The following GSTM5 variants were observed in gnomAD, a reference collection of about 807,000 sequenced individuals.
The protein encoded by GSTM5 is glutathione S-transferase mu 5.
A neutral mutation model predicts 29.0 loss-of-function variants in GSTM5; 24 were observed. The ratio of observed to expected loss-of-function variants is 0.83; its 90% CI spans 0.60 to 1.16. GSTM5 has a LOEUF of 1.16. GSTM5 is among the 50% of genes most tolerant of loss of function. The pLI, the probability that GSTM5 is intolerant of heterozygous loss-of-function variation, is 0.00. For missense variants in GSTM5, 290 were observed against 263.0 expected, an observed-to-expected ratio of 1.10 and a Z score of -0.71; for synonymous variants, 91 against 93.6, an observed-to-expected ratio of 0.97 and a Z score of 0.16.
Position 109,714,670 on chromosome 1 carries a change from G to T in GSTM5, c.361-277G>T. On this transcript the variant is annotated intron_variant, in intron 5 of 7. Transcript: ENST00000256593. ...GGATCCAGAGGCTGCCAGGTGCTCG[G>T]GCGCTCATGCGGCTGACCCAGAGGC... 1.2e-5 allele frequency: 6 copies of T among 500,170 alleles called. No individual in the cohort carries two copies. The South Asian group carries it at 1.3e-4, about 10-fold the overall frequency. The allele number at this position is 500,170 out of a possible 1,614,324, so 31.0% of individuals were successfully genotyped here. A position where few individuals can be genotyped will look rare whatever the true frequency, so the allele number is the denominator to read the frequency against.
chr1:109,711,982 G>T (rs1447866088), upstream of GSTM5, among the ~76,000 whole-genome samples: 2 of 151,788 alleles, frequency 1.3e-5, no homozygotes, highest in Non-Finnish European at 2.9e-5. Flanking sequence ...TGTCTCAAGC[G>T]CACAGCCAAG....
At chr1:109,713,827 T>A (rs1648653735) in intron 5 of GSTM5, 66 bp downstream of exon 5, 2 of 1,392,116 alleles carry the variant, frequency 1.4e-6, no homozygotes, top group Admixed American at 3.5e-5. Flanking sequence ...AGGGAGGGAC[T>A]TCCAAAGTCA....
In GSTM5 at chr1:109,713,722, C is replaced by G. The variant is rs144915668; in HGVS notation, c.321C>G (p.Asn107Lys). The G allele has an allele frequency of 2.4e-4, 383 of 1,611,684 alleles. No individual in the cohort carries two copies. The highest frequency in any genetic ancestry group is 3.1e-4 in the Non-Finnish European group (362 of 1,179,594). The change falls in exon 5 of 8, where the codon AAC becomes AAG. Residue 107 changes from asparagine to lysine, a missense_variant. Asn to Lys is a moderately conservative substitution (Grantham distance 94). Transcript: ENST00000256593. ...TTTTGGAGAACCAGGTTATGGATAA[C>G]CACATGGAGCTGGTCAGACTGTGCT... ...VDILENQVMD[N>K]HMELVRLCYD...
At chr1:109,712,113 G>C (rs58877308), upstream of GSTM5, 36,316 of 625,524 alleles carry the variant, frequency 0.058, 4,914 homozygotes, top group African/African-American at 0.41. Context: ...CCGGAACCCT[G>C]GGGACTGGGA....
At chr1:109,713,291 C>G in intron 3 of GSTM5, 108 bp downstream of exon 3, 1 of 1,524,120 alleles carries the variant, frequency 6.6e-7, no homozygotes, top group Non-Finnish European at 9.1e-7. Flanking sequence ...CTGCCCAATT[C>G]CTCTCACTCT....
chr1:109,716,814 C>A (rs1648762667), intron 7 of GSTM5: 1 of 154,758 alleles, frequency 6.5e-6, no homozygotes, highest in Non-Finnish European at 1.4e-5. Flanking sequence ...AAGCCAAGAA[C>A]CTCCCTGTGA....
Position 109,715,249 on chromosome 1 carries a change from C to T in GSTM5, c.567+9C>T. 6.2e-7 allele frequency: 1 copy of T among 1,614,202 alleles called. No homozygotes were observed. Among genetic ancestry groups the T allele is most frequent in the Non-Finnish European group, 8.5e-7 (1 of 1,180,044 alleles). ...TCATCTCCCGCTTTGAGGTGATGCC[C>T]CCATCCTCCTTTCTCTTTGATGCCC... On this transcript the variant is annotated intron_variant, in intron 7 of 7. Coordinates refer to ENST00000256593, the MANE Select transcript of GSTM5 (RefSeq NM_000851.4).
chr1:109,714,794 T>C (rs1394777887), intron 5 of GSTM5, 153 bp from the exon 6 acceptor site: 1 of 715,696 alleles, frequency 1.4e-6, no homozygotes, highest in African/African-American at 1.8e-5. Flanking sequence ...AATGCTGATG[T>C]ATCCAATTGA....
rs1257237877 is a variant in GSTM5, at chr1:109,712,260, T to C, written c.-53T>C. ...CTGTCCCCTCCTGGGCCTCTCAAAG[T>C]CTGAGCCCCGCTCCGCTGATGCCTG... is the stretch of plus-strand genomic sequence containing the variant. On this transcript the variant is annotated 5_prime_UTR_variant, in exon 1 of 8. Transcript: ENST00000256593. The C allele has an allele frequency of 6.2e-7, 1 of 1,606,942 alleles. No individual in the cohort carries two copies. The highest frequency in any genetic ancestry group is 1.3e-5 in the African/African-American group (1 of 74,666).
chr1:109,715,202 G>T lies in GSTM5; in HGVS notation c.529G>T (p.Ala177Ser). Residue 177 changes from alanine to serine, a missense_variant, in exon 7 of 8, where the codon GCC (alanine) becomes TCC (serine). Coordinates refer to ENST00000256593, the MANE Select transcript of GSTM5 (RefSeq NM_000851.4). ...TATATTTGAGCCCAAGTGCTTGGACGCCTTCCTAAACTTGAAGGACTTCAT... is the reference window on the plus strand; with the variant it reads ...TATATTTGAGCCCAAGTGCTTGGACTCCTTCCTAAACTTGAAGGACTTCAT... ...KRIFEPKCLD[A>S]FLNLKDFISR... 1 of 1,614,164 alleles carries T rather than the reference G, an allele frequency of 6.2e-7. No individual in the cohort carries two copies. The highest frequency in any genetic ancestry group is 1.1e-5 in the South Asian group (1 of 91,076).
chr1:109,712,801 G>T, intron 2 of GSTM5, 108 bp downstream of exon 2: 5 of 1,283,624 alleles, frequency 3.9e-6, no homozygotes, highest in Admixed American at 1.7e-5. Context: ...TGCTGGAGCT[G>T]CAGGCTGTCC....
rs114448003 is a variant in GSTM5, at chr1:109,715,794, G to A, written c.567+554G>A. 1,060 of 409,908 alleles carry A rather than the reference G, an allele frequency of 2.6e-3. 9 individuals carry two copies. Among genetic ancestry groups the A allele is most frequent in the African/African-American group, 0.02 (959 of 48,832 alleles). 25.4% of individuals were successfully genotyped at this position (409,908 alleles called of 1,614,324 possible). On this transcript the variant is annotated intron_variant, in intron 7 of 7. Coordinates refer to ENST00000256593, the MANE Select transcript of GSTM5 (RefSeq NM_000851.4). ...CCCCATGTGGAAAATCCTGAGATCCGGAGCTGTGGCTGGAGCTGGATTAGG... is the reference window on the plus strand; with the variant it reads ...CCCCATGTGGAAAATCCTGAGATCCAGAGCTGTGGCTGGAGCTGGATTAGG...
At chr1:109,715,536 G>A (rs1648716099) in intron 7 of GSTM5, 2 of 1,433,574 alleles carry the variant, frequency 1.4e-6, no homozygotes, top group Admixed American at 5.6e-5. Flanking sequence ...CTCCCTGTGA[G>A]CCTCTGGATC....
chr1:109,712,894 GGT>G, intron 2 of GSTM5: 1 of 840,394 alleles, frequency 1.2e-6, no homozygotes, highest in South Asian at 1.5e-5. Context: ...TGTCTAATTG[GGT>G]TGGGTGTCCC....
chr1:109,715,011 TG>T lies in GSTM5; in HGVS notation c.429del (p.Lys144SerfsTer23), dbSNP rs1241869070. ...AAGCTAAAGCTCTACTCAGAGTTTC[TG>T]GGGAAGCGGCCATGGTTTGCAGGAG... ...PEKLKLYSEFLGKRPWFAGDK... is the reference protein window; with the variant it reads ...PEKLKLYSEFXGKRPWFAGDK... On this transcript the variant is annotated frameshift_variant, in exon 6 of 8. Transcript: ENST00000256593. LOFTEE classifies it high-confidence loss of function. The T allele has an allele frequency of 6.2e-7, 1 of 1,614,252 alleles. No homozygotes were observed. Among genetic ancestry groups the T allele is most frequent in the Non-Finnish European group, 8.5e-7 (1 of 1,180,046 alleles).
intron 1 of GSTM5, 79 bp from the exon 2 acceptor site, chr1:109,712,538 AG>A (rs2101310777): frequency 6.6e-7 from 1 of 1,521,228 alleles, no homozygotes; most frequent in South Asian, 1.1e-5. Flanking sequence ...AGTATAGACT[AG>A]GGGCTGGCCT....
At chr1:109,714,391 T>C (rs1648673562) in intron 5 of GSTM5, 2 of 168,368 alleles carry the variant, frequency 1.2e-5, no homozygotes, top group South Asian at 2.9e-4. Context: ...CACCCTCAAA[T>C]TGCATCTTCT....
chr1:109,713,266 A>C, intron 3 of GSTM5, 83 bp downstream of exon 3: 4 of 1,595,454 alleles, frequency 2.5e-6, no homozygotes, highest in South Asian at 1.1e-5. Context: ...TAGAGGTGTT[A>C]AGATCAGGAG....
rs753612715 is a variant in GSTM5, at chr1:109,713,481, C to T, written c.178-3C>T. The T allele has an allele frequency of 1.2e-6, 2 of 1,614,212 alleles. No homozygotes were observed. The highest frequency in any genetic ancestry group is 1.1e-5 in the South Asian group (1 of 91,088). ...GAGCTTCCCCGGTTTCCCATCTATC[C>T]AGCTGCCCTACTTGATTGATGGGGC... is the stretch of plus-strand genomic sequence containing the variant. On this transcript the variant is annotated splice_polypyrimidine_tract_variant and splice_region_variant and intron_variant, in intron 3 of 7. Transcript: ENST00000256593.
Sources: allele counts gnomAD v4.1 joint callset (sites outside exome capture counted in the v4.1 genomes callset), GRCh38; gene constraint gnomAD v4.1.1; transcripts MANE v1.5; gene names NCBI Gene and HGNC (gene_info 2026-07-23, HGNC 2026-07-21).